Variants in DNAH10 observed in about 807,000 individuals in gnomAD.
DNAH10 encodes dynein axonemal heavy chain 10, also known as axonemal beta dynein heavy chain 10.
A neutral mutation model predicts 506.6 loss-of-function variants in DNAH10; 348 were observed. That is an observed-to-expected ratio of 0.69 (90% CI 0.63 to 0.75). The LOEUF is 0.75. Ranked by LOEUF, DNAH10 falls within the 30% of genes least tolerant of loss-of-function variation. The pLI is 0.00. For synonymous variants in DNAH10, 2,059 were observed against 2,198.6 expected, an observed-to-expected ratio of 0.94 and a Z score of 1.78; for missense variants, 5,179 against 5,787.1, an observed-to-expected ratio of 0.89 and a Z score of 3.41.
At chr12:123,775,743 A>G (rs1406591509) in intron 5 of DNAH10, among the ~76,000 whole-genome samples, 1 of 152,174 alleles carries the variant, frequency 6.6e-6, no homozygotes, top group Non-Finnish European at 1.5e-5. Context: ...TATTGTGGGA[A>G]AACATATTGC....
At position 123,913,094 on chromosome 12, in the gene DNAH10, T is replaced by C. The variant is rs747336999; in HGVS notation, c.10135-4T>C. On this transcript the variant is annotated splice_region_variant and splice_polypyrimidine_tract_variant and intron_variant, in intron 59 of 78. Transcript: ENST00000673944. This position sits in a 1 kb window ranked among gnomAD's most constrained non-coding sequence, Gnocchi z 5.1. ...CCATCTTTTTGCAAATTGTCTTCAC[T>C]TAGGTGGCCAGGCTGGAGCGGAATT... is the stretch of plus-strand genomic sequence containing the variant. 1.6e-5 allele frequency: 25 copies of C among 1,605,298 alleles called. No individual in the cohort carries two copies. The highest frequency in any genetic ancestry group is 2.1e-5 in the Non-Finnish European group (25 of 1,176,398).
chr12:123,787,740 G>C lies in DNAH10; in HGVS notation c.1422-64G>C, dbSNP rs1265077282. On this transcript the variant is annotated intron_variant, in intron 9 of 78. Transcript: ENST00000673944. This position sits in a 1 kb window ranked among gnomAD's most constrained non-coding sequence, Gnocchi z 4.6. ...TTCACGGGACACTGGCTCCCCAGCC[G>C]GGGAGTGCGGCTCGGACCCGGAGCT... 5 of 1,562,566 alleles carry C rather than the reference G, an allele frequency of 3.2e-6. No individual in the cohort carries two copies. The highest frequency in any genetic ancestry group is 2.3e-5 in the South Asian group (2 of 85,898).
At chr12:123,811,198 GATA>G (rs1402070209) in intron 19 of DNAH10, among the ~76,000 whole-genome samples, 13 of 152,190 alleles carry the variant, frequency 8.5e-5, no homozygotes, top group African/African-American at 2.7e-4. Context: ...AAGTGGAAAT[GATA>G]ATACCATTCA....
chr12:123,922,591 G>A (rs968619119), intron 65 of DNAH10, among the ~76,000 whole-genome samples: 8 of 152,128 alleles, frequency 5.3e-5, no homozygotes, highest in Non-Finnish European at 1.2e-4. Context: ...AAATACCACC[G>A]ACTGGGTGGC....
intron 44 of DNAH10, 103 bp from the exon 45 acceptor site, chr12:123,871,354 G>GT (rs1952025943): frequency 2.9e-6 from 4 of 1,385,302 alleles, no homozygotes; most frequent in African/African-American, 1.5e-5. Flanking sequence ...CTTTGCTCCT[G>GT]TTTTTTATGG....
intron 27 of DNAH10, among the ~76,000 whole-genome samples, chr12:123,834,574 C>T (rs943036663): frequency 2.0e-5 from 3 of 152,176 alleles, no homozygotes; most frequent in Non-Finnish European, 2.9e-5. Flanking sequence ...GTGCACAATT[C>T]AGTGACATTT....
rs888447011 is a variant in DNAH10, at chr12:123,849,638, A to G, written c.6102+756A>G. On this transcript the variant is annotated intron_variant, in intron 34 of 78. Transcript: ENST00000673944. ...CTTGTCACTAAGCCACTTGCTCCAC[A>G]GTCATACCATGCCTTGTGACACCAC... Among the ~76,000 whole-genome samples the G allele has an allele frequency of 3.9e-5, 6 of 152,142 alleles. No individual in the cohort carries two copies. In the South Asian group the frequency reaches 6.2e-4, roughly 16 times the overall value.
chr12:123,868,621 A>G (rs1228662283), intron 43 of DNAH10, among the ~76,000 whole-genome samples: 1 of 152,238 alleles, frequency 6.6e-6, no homozygotes, highest in African/African-American at 2.4e-5. Flanking sequence ...GTGCATCTTC[A>G]ATGAATCATA....
rs1954648592 is a variant in DNAH10 at position 123,919,795 on chromosome 12, A to G, written c.11506+846A>G. On this transcript the variant is annotated intron_variant, in intron 65 of 78. Coordinates refer to ENST00000673944, the MANE Select transcript of DNAH10 (RefSeq NM_001372106.1). The surrounding 1 kb of genome is among the most constrained non-coding windows in gnomAD (Gnocchi z 4.9). ...GTGTTGCTGCGTGTGTCAGCGCTTCATTCCTGCCTGTGGCTGAGTCACATT... is the reference window on the plus strand; with the variant it reads ...GTGTTGCTGCGTGTGTCAGCGCTTCGTTCCTGCCTGTGGCTGAGTCACATT... Among the ~76,000 whole-genome samples the G allele has an allele frequency of 6.6e-6, 1 of 152,218 alleles. No individual in the cohort carries two copies. Among genetic ancestry groups the G allele is most frequent in the African/African-American group, 2.4e-5 (1 of 41,452 alleles).
In DNAH10 at chr12:123,762,497, CG is replaced by C; in HGVS notation, c.163del (p.Ala55ArgfsTer51). On this transcript the variant is annotated frameshift_variant, in exon 1 of 79. Transcript: ENST00000673944. LOFTEE classifies it high-confidence loss of function. The surrounding 1 kb of genome is among the most constrained non-coding windows in gnomAD (Gnocchi z 5.0). ...CAGGCGAGCGAGGAGGAGGGGCCCT[CG>C]GCGCTCTTCATCTACCGCACTATGG... ...LNQASEEEGP[S>X]ALFIYRTMVP... is the part of the protein sequence containing the mutation. 1 of 1,530,530 alleles carries C rather than the reference CG, an allele frequency of 6.5e-7. No homozygotes were observed. Among genetic ancestry groups the C allele is most frequent in the Non-Finnish European group, 8.8e-7 (1 of 1,136,398 alleles). The allele number at this position is 1,530,530 out of a possible 1,614,324, so 94.8% of individuals were successfully genotyped here. A position where few individuals can be genotyped will look rare whatever the true frequency, so the allele number is the denominator to read the frequency against.
intron 49 of DNAH10, 86 bp downstream of exon 49, chr12:123,879,443 A>G (rs1260379270): frequency 6.7e-7 from 1 of 1,487,306 alleles, no homozygotes; most frequent in African/African-American, 1.4e-5. Flanking sequence ...TAGGACGCGA[A>G]TTGTGGAAAA....
intron 77 of DNAH10, 24 bp from the exon 78 acceptor site, chr12:123,934,597 C>A: frequency 6.2e-7 from 1 of 1,612,032 alleles, no homozygotes; most frequent in Non-Finnish European, 8.5e-7. Context: ...CCAGTTGTAT[C>A]CAGTCTCTGC....
At chr12:123,865,833 T>G in intron 40 of DNAH10, 118 bp from the exon 41 acceptor site, 1 of 1,029,752 alleles carries the variant, frequency 9.7e-7, no homozygotes, top group Non-Finnish European at 1.3e-6. Flanking sequence ...GCTGTGTTGA[T>G]TTTGGTATTA....
intron 21 of DNAH10, among the ~76,000 whole-genome samples, chr12:123,815,160 A>T (rs1959102089): frequency 6.6e-6 from 1 of 152,168 alleles, no homozygotes; most frequent in Admixed American, 6.6e-5. Context: ...GAGTTTTCCT[A>T]TCCATGAACA....
chr12:123,930,081 A>G (rs1808534966), intron 72 of DNAH10: 1 of 519,836 alleles, frequency 1.9e-6, no homozygotes. Context: ...AGTGACATCA[A>G]TTCCAAAGAC....
Position 123,820,632 on chromosome 12 carries a change from C to T in DNAH10, c.4053C>T (p.Ser1351=). The change falls in exon 24 of 79, where the codon AGC becomes AGT. Residue 1351 remains serine (S), a synonymous_variant. Coordinates refer to ENST00000673944, the MANE Select transcript of DNAH10 (RefSeq NM_001372106.1). ...GAGAGCTGGCAAGACATGAAAAGAGCCGTCAGGAACTGGCTAACGCTGAGA... is the reference window on the plus strand; with the variant it reads ...GAGAGCTGGCAAGACATGAAAAGAGTCGTCAGGAACTGGCTAACGCTGAGA... ...YERELARHEK[S]RQELANAEKL... 6.2e-7 allele frequency: 1 copy of T among 1,613,928 alleles called. No homozygotes were observed.
At chr12:123,783,577 G>A (rs1332236469) in intron 7 of DNAH10, among the ~76,000 whole-genome samples, 1 of 152,200 alleles carries the variant, frequency 6.6e-6, no homozygotes, top group Non-Finnish European at 1.5e-5. Context: ...TAATGGAAAA[G>A]TCCAGAGGCA....
intron 8 of DNAH10, among the ~76,000 whole-genome samples, chr12:123,784,902 G>A (rs376740643): frequency 6.6e-6 from 1 of 152,188 alleles, no homozygotes; most frequent in Non-Finnish European, 1.5e-5. Context: ...TTGTAGCGTG[G>A]AGCGTGTTAG....
chr12:123,882,586 A>G (rs947377613), intron 51 of DNAH10, among the ~76,000 whole-genome samples: 1 of 152,000 alleles, frequency 6.6e-6, no homozygotes, highest in East Asian at 1.9e-4. Flanking sequence ...TGAGGTCAGG[A>G]GTTCATCATC....
Sources: allele counts gnomAD v4.1 joint callset (sites outside exome capture counted in the v4.1 genomes callset), GRCh38; gene constraint gnomAD v4.1.1; non-coding constraint Gnocchi (gnomAD v3.1); transcripts MANE v1.5; gene names NCBI Gene and HGNC (gene_info 2026-07-23, HGNC 2026-07-21).